Variants in BTBD9 observed in about 807,000 individuals in gnomAD.
BTBD9 encodes the protein BTB/POZ domain-containing protein 9.
BTBD9 carries 49 observed loss-of-function variants against 64.3 expected under a neutral mutation model. That is an observed-to-expected ratio of 0.76 (90% CI 0.61 to 0.97). BTBD9 has a LOEUF of 0.97. Ranked by LOEUF, BTBD9 falls within the 50% of genes least tolerant of loss-of-function variation. The probability of loss-of-function intolerance (pLI) is 0.00; values close to 1 mark genes in which losing one functional copy is unlikely to be tolerated. For missense variants in BTBD9, 598 were observed against 762.1 expected, an observed-to-expected ratio of 0.78 and a Z score of 2.53; for synonymous variants, 260 against 274.7, an observed-to-expected ratio of 0.95 and a Z score of 0.53.
intron 6 of BTBD9, among the ~76,000 whole-genome samples, chr6:38,395,464 C>T (rs1766625129): frequency 6.6e-6 from 1 of 152,144 alleles, no homozygotes. Flanking sequence ...TGTGAGGCCA[C>T]TGCTAGAAAG....
At chr6:38,593,866 A>AT (rs1270053643) in intron 3 of BTBD9, 98 bp downstream of exon 3, 48 of 1,135,250 alleles carry the variant, frequency 4.2e-5, no homozygotes, top group East Asian at 1.7e-4. Flanking sequence ...GATACCAATG[A>AT]TTTTTTTTAT....
chr6:38,514,571 C>T (rs754102882), intron 6 of BTBD9, among the ~76,000 whole-genome samples: 6 of 152,180 alleles, frequency 3.9e-5, no homozygotes, highest in Non-Finnish European at 5.9e-5. Flanking sequence ...TAAAATGTCA[C>T]TCATACCTAT....
chr6:38,565,297 G>A (rs188966274), intron 6 of BTBD9, among the ~76,000 whole-genome samples: 3 of 152,276 alleles, frequency 2.0e-5, no homozygotes, highest in Admixed American at 2.0e-4. Context: ...GTTGTAGGGA[G>A]ATGTCCTGTG....
chr6:38,544,519 T>C (rs1415401748), intron 6 of BTBD9, among the ~76,000 whole-genome samples: 1 of 151,942 alleles, frequency 6.6e-6, no homozygotes, highest in East Asian at 1.9e-4. Context: ...TGAGGAAAAC[T>C]GGAAGGAGGT....
chr6:38,270,111 C>T (rs1163575007), intron 8 of BTBD9, among the ~76,000 whole-genome samples: 1 of 152,220 alleles, frequency 6.6e-6, no homozygotes, highest in Non-Finnish European at 1.5e-5. Context: ...CAGCATGAGG[C>T]TTCATTAGAA....
chr6:38,388,435 C>T (rs1054195971), intron 6 of BTBD9, among the ~76,000 whole-genome samples: 4 of 152,188 alleles, frequency 2.6e-5, no homozygotes, highest in Admixed American at 2.6e-4. Flanking sequence ...GTTAGGATTA[C>T]AGTCTACTTA....
chr6:38,594,315 A>G lies in BTBD9; in HGVS notation c.198T>C (p.Tyr66=), dbSNP rs1776946727. ...ARCQYFRALL[Y]GGMRESQPEA... ...CAGGCTGAGACTCTCGCATTCCACC[A>G]TATAATAATGCTCTGCACATCAGGG... The change falls in exon 3 of 11, where the codon TAT becomes TAC. Residue 66 remains tyrosine (Y), a synonymous_variant. Transcript: ENST00000481247. The G allele has an allele frequency of 1.2e-6, 2 of 1,611,488 alleles. No individual in the cohort carries two copies. Among genetic ancestry groups the G allele is most frequent in the African/African-American group, 1.3e-5 (1 of 74,982 alleles).
chr6:38,402,004 T>C (rs1012693458), intron 6 of BTBD9, among the ~76,000 whole-genome samples: 1 of 152,094 alleles, frequency 6.6e-6, no homozygotes, highest in Admixed American at 6.5e-5. Flanking sequence ...TTCTTTAAAA[T>C]TGCTAATATA....
At chr6:38,283,528 G>A (rs1354548116) in intron 8 of BTBD9, among the ~76,000 whole-genome samples, 2 of 152,112 alleles carry the variant, frequency 1.3e-5, no homozygotes, top group Non-Finnish European at 2.9e-5. Flanking sequence ...GCATGCCTGT[G>A]GTCCCAGCTG....
At chr6:38,462,467 G>C (rs1474563062) in intron 6 of BTBD9, among the ~76,000 whole-genome samples, 1 of 152,078 alleles carries the variant, frequency 6.6e-6, no homozygotes, top group Non-Finnish European at 1.5e-5. Context: ...TAATTGTGCG[G>C]GTCTACCTCT....
At chr6:38,490,952 G>C (rs1771676483) in intron 6 of BTBD9, among the ~76,000 whole-genome samples, 1 of 152,204 alleles carries the variant, frequency 6.6e-6, no homozygotes. Context: ...CTCTAAGCCA[G>C]TTGGGGGATT....
intron 6 of BTBD9, among the ~76,000 whole-genome samples, chr6:38,495,625 T>C (rs2127395120): frequency 6.6e-6 from 1 of 152,340 alleles, no homozygotes; most frequent in South Asian, 2.1e-4. Context: ...ACCCAGCTTT[T>C]CTATACATAA....
At chr6:38,443,341 AACTT>A (rs1295092792) in intron 6 of BTBD9, among the ~76,000 whole-genome samples, 3 of 152,148 alleles carry the variant, frequency 2.0e-5, no homozygotes, top group Non-Finnish European at 4.4e-5. Flanking sequence ...TCCCTGGCTC[AACTT>A]ACCACACCTC....
At chr6:38,412,397 G>C (rs556690604) in intron 6 of BTBD9, among the ~76,000 whole-genome samples, 1 of 152,136 alleles carries the variant, frequency 6.6e-6, no homozygotes, top group South Asian at 2.1e-4. Context: ...TCACCAACTA[G>C]ATCTCTCAAA....
At position 38,170,520 on chromosome 6, in the gene BTBD9, C is replaced by T. The variant is rs372867188; in HGVS notation, c.*4465G>A. 6.6e-6 allele frequency: 1 copy of T among 152,360 alleles called. No individual in the cohort carries two copies. The highest frequency in any genetic ancestry group is 6.5e-5 in the Admixed American group (1 of 15,286). 9.4% of individuals were successfully genotyped at this position (152,360 alleles called of 1,614,324 possible). On this transcript the variant is annotated 3_prime_UTR_variant, in exon 11 of 11. Coordinates refer to ENST00000481247, the MANE Select transcript of BTBD9 (RefSeq NM_001099272.2). ...AAGCAAACCTTTTCCGCGCCCTTCA[C>T]CATTCACTCTGCAAATGACCAGGGC...
At chr6:38,461,573 A>G (rs1770088565) in intron 6 of BTBD9, among the ~76,000 whole-genome samples, 1 of 152,186 alleles carries the variant, frequency 6.6e-6, no homozygotes, top group Non-Finnish European at 1.5e-5. Flanking sequence ...GTTGATGAAC[A>G]TTTTGGGTTG....
rs116370647 is a variant in BTBD9 at position 38,241,944 on chromosome 6, C to T, written c.1562+14465G>A. ...TACTCTACAACCTGAATAATGAACC[C>T]CTAGATAATCTAGATTTGACCACTG... On this transcript the variant is annotated intron_variant, in intron 9 of 10. Coordinates refer to ENST00000481247, the MANE Select transcript of BTBD9 (RefSeq NM_001099272.2). 7.6e-3 allele frequency among the ~76,000 whole-genome samples: 1,149 copies of T among 152,058 alleles called. 16 individuals carry two copies. The highest frequency in any genetic ancestry group is 0.024 in the African/African-American group (986 of 41,462).
chr6:38,407,709 A>G (rs1369026912), intron 6 of BTBD9, among the ~76,000 whole-genome samples: 1 of 152,192 alleles, frequency 6.6e-6, no homozygotes, highest in Admixed American at 6.5e-5. Flanking sequence ...AAAAACCAAA[A>G]ACTATTTCAT....
chr6:38,373,793 G>A (rs939427788), intron 6 of BTBD9, among the ~76,000 whole-genome samples: 1 of 152,014 alleles, frequency 6.6e-6, no homozygotes, highest in Non-Finnish European at 1.5e-5. Context: ...CTCCCAAAGT[G>A]CCAAGATTAT....
Sources: allele counts gnomAD v4.1 joint callset (sites outside exome capture counted in the v4.1 genomes callset), GRCh38; gene constraint gnomAD v4.1.1; transcripts MANE v1.5; gene names NCBI Gene and HGNC (gene_info 2026-07-23, HGNC 2026-07-21).